FMNL3: variants seen among roughly 807,000 people sequenced by gnomAD.
The protein encoded by FMNL3 is formin-like protein 3.
Under a neutral mutation model 119.6 loss-of-function variants are expected in FMNL3, and 57 were observed. The ratio of observed to expected loss-of-function variants is 0.48; its 90% CI spans 0.39 to 0.59. FMNL3 has a LOEUF of 0.59. Among genes scored for constraint, FMNL3 ranks in the 20% least tolerant of loss-of-function variants. The probability of loss-of-function intolerance (pLI) is 0.00; values close to 1 mark genes in which losing one functional copy is unlikely to be tolerated. For synonymous variants in FMNL3, 491 were observed against 507.3 expected, an observed-to-expected ratio of 0.97 and a Z score of 0.43; for missense variants, 1,053 against 1,323.5, an observed-to-expected ratio of 0.80 and a Z score of 3.17.
In FMNL3 at chr12:49,642,296, G is replaced by A. The variant is rs775596979; in HGVS notation, c.*3519C>T. 1.5e-5 allele frequency: 24 copies of A among 1,614,058 alleles called. No homozygotes were observed. Among genetic ancestry groups the A allele is most frequent in the Non-Finnish European group, 1.9e-5 (23 of 1,180,044 alleles). On this transcript the variant is annotated 3_prime_UTR_variant, in exon 26 of 26. Coordinates refer to ENST00000335154, the MANE Select transcript of FMNL3 (RefSeq NM_175736.5). This position sits in a 1 kb window ranked among gnomAD's most constrained non-coding sequence, Gnocchi z 5.8. ...GAGAAGGAGGAGGCACGCAGGATGC[G>A]GCGCAGGGAAGCTGCCTTTCGAAGC...
rs544221970 is a variant in FMNL3 at position 49,663,942 on chromosome 12, AT to A, written c.368+1889del. On this transcript the variant is annotated intron_variant, in intron 4 of 25. Coordinates refer to ENST00000335154, the MANE Select transcript of FMNL3 (RefSeq NM_175736.5). Reference sequence around the variant, plus strand: ...CAGCCTAGGCAACTATCTCTACTAAATTTTTTTTTTTAAGTGGCCAGGCAGG... The same window carrying A: ...CAGCCTAGGCAACTATCTCTACTAAATTTTTTTTTTAAGTGGCCAGGCAGG... Among the ~76,000 whole-genome samples, 31 of 149,422 alleles carry A rather than the reference AT, an allele frequency of 2.1e-4. No individual in the cohort carries two copies. The South Asian group carries it at 2.5e-3, about 12-fold the overall frequency.
rs537877325 is a variant in FMNL3 at position 49,641,509 on chromosome 12, T to C, written c.*4306A>G. On this transcript the variant is annotated 3_prime_UTR_variant, in exon 26 of 26. Coordinates refer to ENST00000335154, the MANE Select transcript of FMNL3 (RefSeq NM_175736.5). ...AACACTCATCATGGTACCTGGTACA[T>C]AGTAAGCACTCAATAAATAGACCCA... 1.4e-4 allele frequency: 28 copies of C among 204,162 alleles called. No homozygotes were observed. The Middle Eastern group carries it at 5.9e-3, about 43-fold the overall frequency. The allele number at this position is 204,162 out of a possible 1,614,324, so 12.6% of individuals were successfully genotyped here.
rs1404750702 is a variant in FMNL3, at chr12:49,641,780, G to C, written c.*4035C>G. The C allele has an allele frequency of 1.7e-5, 12 of 716,500 alleles. No homozygotes were observed. The East Asian group carries it at 1.8e-4, about 11-fold the overall frequency. The allele number at this position is 716,500 out of a possible 1,614,324, so 44.4% of individuals were successfully genotyped here. A position where few individuals can be genotyped will look rare whatever the true frequency, so the allele number is the denominator to read the frequency against. On this transcript the variant is annotated 3_prime_UTR_variant, in exon 26 of 26. Transcript: ENST00000335154. ...CTTGGATAACTTGGTTTCTAATGCA[G>C]ACCACAGTCCTGTGGATCTCTTCCA...
chr12:49,666,556 T>A (rs944872038), intron 2 of FMNL3, among the ~76,000 whole-genome samples: 1 of 151,894 alleles, frequency 6.6e-6, no homozygotes, highest in Admixed American at 6.6e-5. Flanking sequence ...GCTTGGGAGG[T>A]CGAGGCAGGG....
rs546056577 is a variant in FMNL3 at position 49,659,918 on chromosome 12, C to T, written c.453-1324G>A. On this transcript the variant is annotated intron_variant, in intron 5 of 25. Coordinates refer to ENST00000335154, the MANE Select transcript of FMNL3 (RefSeq NM_175736.5). ...AGGTTCTTCTCCCCCAAGAAGCATT[C>T]TGCTCAGACATGGGGTCAAAGGCAC... is the stretch of plus-strand genomic sequence containing the variant. 1.6e-5 allele frequency: 16 copies of T among 985,462 alleles called. No homozygotes were observed. The East Asian group carries it at 1.7e-3, about 105-fold the overall frequency. The allele number at this position is 985,462 out of a possible 1,614,324, so 61.0% of individuals were successfully genotyped here.
chr12:49,707,142 C>G lies in FMNL3; in HGVS notation c.39G>C (p.Glu13Asp), dbSNP rs200294583. Residue 13 changes from glutamate (E) to aspartate (D), a missense_variant, in exon 1 of 26, where the codon GAG becomes GAC. Glu to Asp is a conservative substitution (Grantham distance 45). This residue lies in a region of FMNL3 where 264 missense variants were observed against 265.5 expected (regional missense o/e 0.99). Coordinates refer to ENST00000335154, the MANE Select transcript of FMNL3 (RefSeq NM_175736.5). ...NLESAEGVPG[E>D]PPSVPLLLPP... ...GCAGCAACAACGGGACAGAGGGGGG[C>G]TCTCCCGGGACCCCCTCGGCGCTCT... 26 of 1,597,362 alleles carry G rather than the reference C, an allele frequency of 1.6e-5. No homozygotes were observed. In the East Asian group the frequency reaches 6.0e-4, roughly 37 times the overall value.
chr12:49,660,765 C>A (rs1374539050), intron 5 of FMNL3, among the ~76,000 whole-genome samples: 1 of 152,206 alleles, frequency 6.6e-6, no homozygotes. Flanking sequence ...CGAGGCCAGC[C>A]TGGGCAGCAT....
chr12:49,639,009 G>A lies in FMNL3; in HGVS notation c.*6806C>T, dbSNP rs1430864346. The A allele has an allele frequency of 6.6e-6, 1 of 152,130 alleles. No individual in the cohort carries two copies. Among genetic ancestry groups the A allele is most frequent in the Admixed American group, 6.5e-5 (1 of 15,280 alleles). The allele number at this position is 152,130 out of a possible 1,614,324, so 9.4% of individuals were successfully genotyped here. A position where few individuals can be genotyped will look rare whatever the true frequency, so the allele number is the denominator to read the frequency against. ...AATATTTTAAATTACTTACCATTAG[G>A]TAAGATGTATCATACTGTCCTGAGG... On this transcript the variant is annotated 3_prime_UTR_variant, in exon 26 of 26. Coordinates refer to ENST00000335154, the MANE Select transcript of FMNL3 (RefSeq NM_175736.5).
At chr12:49,650,963 A>G (rs796202917) in intron 16 of FMNL3, 85 bp from the exon 17 acceptor site, 2 of 1,524,996 alleles carry the variant, frequency 1.3e-6, no homozygotes, top group African/African-American at 2.7e-5. Context: ...ATTGGCCCAG[A>G]GCTCTGTCAC....
chr12:49,651,833 C>G, intron 14 of FMNL3, 100 bp downstream of exon 14: 1 of 1,449,600 alleles, frequency 6.9e-7, no homozygotes, highest in Middle Eastern at 2.6e-4. Flanking sequence ...TCAGATAATG[C>G]CATTTTCCCA....
In FMNL3 at chr12:49,641,724, G is replaced by C; in HGVS notation, c.*4091C>G. On this transcript the variant is annotated 3_prime_UTR_variant, in exon 26 of 26. Coordinates refer to ENST00000335154, the MANE Select transcript of FMNL3 (RefSeq NM_175736.5). Reference sequence around the variant, plus strand: ...TGTGTGACATCCAAACCAAGGGTAGGCATGGGGGCTTAATTGTCAAGTGAT... The same window carrying C: ...TGTGTGACATCCAAACCAAGGGTAGCCATGGGGGCTTAATTGTCAAGTGAT... The C allele has an allele frequency of 1.7e-6, 1 of 592,322 alleles. No homozygotes were observed. Among genetic ancestry groups the C allele is most frequent in the East Asian group, 2.8e-5 (1 of 35,804 alleles). 36.7% of individuals were successfully genotyped at this position (592,322 alleles called of 1,614,324 possible).
At position 49,641,952 on chromosome 12, in the gene FMNL3, C is replaced by T. The variant is rs778142028; in HGVS notation, c.*3863G>A. 1.1e-5 allele frequency: 17 copies of T among 1,613,782 alleles called. No homozygotes were observed. The highest frequency in any genetic ancestry group is 3.3e-5 in the Admixed American group (2 of 60,008). Reference sequence around the variant, plus strand: ...AGGTGAACACGGCCTTTGAGGACTTCGCCCACGTCATAAGCTTTGACAAGA... The same window carrying T: ...AGGTGAACACGGCCTTTGAGGACTTTGCCCACGTCATAAGCTTTGACAAGA... On this transcript the variant is annotated 3_prime_UTR_variant, in exon 26 of 26. Transcript: ENST00000335154.
At chr12:49,686,642 T>C (rs1944471252) in intron 1 of FMNL3, among the ~76,000 whole-genome samples, 1 of 150,240 alleles carries the variant, frequency 6.7e-6, no homozygotes. Flanking sequence ...CCCAAAACTC[T>C]TAAAAAAGGC....
chr12:49,658,414 CAGGT>C (rs755203597), intron 6 of FMNL3, 24 bp downstream of exon 6: 1 of 1,561,768 alleles, frequency 6.4e-7, no homozygotes, highest in South Asian at 1.2e-5. Context: ...GGGTGGGAGG[CAGGT>C]GGGCAGAGCA....
In FMNL3 at chr12:49,681,625, A is replaced by G. The variant is rs565034751; in HGVS notation, c.127-13071T>C. Among the ~76,000 whole-genome samples the G allele has an allele frequency of 4.0e-5, 6 of 151,734 alleles. No homozygotes were observed. The South Asian group carries it at 1.2e-3, about 32-fold the overall frequency. On this transcript the variant is annotated intron_variant, in intron 1 of 25. Transcript: ENST00000335154. ...CAGGCTGGAGTGCAGCGGTGCGATC[A>G]TAGCTCCCTGCAGCCCCAAACTCAT... is the stretch of plus-strand genomic sequence containing the variant.
intron 9 of FMNL3, 34 bp downstream of exon 9, chr12:49,656,368 AAC>A (rs139157446): frequency 0.02 from 26,375 of 1,289,600 alleles, no homozygotes; most frequent in South Asian, 0.027. Flanking sequence ...CTCCCCCGCA[AAC>A]ACACACACAC....
At chr12:49,656,619 G>A (rs1943577787) in intron 8 of FMNL3, 122 bp from the exon 9 acceptor site, 2 of 971,282 alleles carry the variant, frequency 2.1e-6, no homozygotes, top group Admixed American at 2.5e-5. Flanking sequence ...GAGGAGAGAG[G>A]GTGGGAGAAA....
Position 49,650,783 on chromosome 12 carries a change from T to C in FMNL3, c.1893A>G (p.Lys631=). 1.2e-6 allele frequency: 2 copies of C among 1,614,216 alleles called. No homozygotes were observed. The highest frequency in any genetic ancestry group is 1.7e-6 in the Non-Finnish European group (2 of 1,180,034). ...LICSKNKTAQ[K]AASKVTLLEA... Reference sequence around the variant, plus strand: ...CCAACAGAGTCACCTTGCTGGCAGCTTTTTGCGCTGTCTTGTTTTTGGAGC... The same window carrying C: ...CCAACAGAGTCACCTTGCTGGCAGCCTTTTGCGCTGTCTTGTTTTTGGAGC... The change falls in exon 17 of 26, where the codon AAA becomes AAG. Residue 631 remains lysine, a synonymous_variant. Transcript: ENST00000335154.
chr12:49,704,947 T>C (rs1945007948), intron 1 of FMNL3, among the ~76,000 whole-genome samples: 1 of 152,118 alleles, frequency 6.6e-6, no homozygotes, highest in South Asian at 2.1e-4. Context: ...GTTCAGGAAA[T>C]ACCCCTAAGC....
Sources: gnomAD v4.1 joint callset for allele counts (sites outside exome capture counted in the v4.1 genomes callset) on GRCh38, gnomAD v4.1.1 for gene constraint, gnomAD v4.1.1 regional missense constraint, Gnocchi (gnomAD v3.1) non-coding constraint, MANE v1.5 for transcripts, NCBI Gene and HGNC (gene_info 2026-07-23, HGNC 2026-07-21) for gene names.